The following ADGRD1 variants were observed in gnomAD, a reference collection of about 807,000 sequenced individuals.
ADGRD1 encodes the protein adhesion G protein-coupled receptor D1.
A neutral mutation model predicts 113.4 loss-of-function variants in ADGRD1; 77 were observed. That is an observed-to-expected ratio of 0.68 (90% CI 0.57 to 0.82). The LOEUF (loss-of-function observed/expected upper bound fraction) is 0.82, where lower values mean the gene tolerates loss of function less well. ADGRD1 is among the 40% of genes least tolerant of loss of function. The pLI, the probability that ADGRD1 is intolerant of heterozygous loss-of-function variation, is 0.00. For synonymous variants in ADGRD1, 474 were observed against 475.0 expected, an observed-to-expected ratio of 1.00 and a Z score of 0.03; for missense variants, 1,036 against 1,139.1, an observed-to-expected ratio of 0.91 and a Z score of 1.30.
At chr12:131,058,277 G>C (rs917203257) in intron 13 of ADGRD1, among the ~76,000 whole-genome samples, 1 of 152,244 alleles carries the variant, frequency 6.6e-6, no homozygotes, top group Middle Eastern at 3.4e-3. Context: ...GGATTCTAGG[G>C]AAGCGTCGTG....
At chr12:131,105,086 A>G (rs1950200076) in intron 16 of ADGRD1, 152 bp downstream of exon 16, 2 of 620,776 alleles carry the variant, frequency 3.2e-6, no homozygotes, top group Admixed American at 6.2e-5. Context: ...CAGCCCAGGC[A>G]CAGGAATTCT....
intron 6 of ADGRD1, chr12:130,990,094 C>T (rs775607288): frequency 1.3e-5 from 2 of 152,218 alleles, no homozygotes; most frequent in Non-Finnish European, 2.9e-5. Flanking sequence ...TGGACACACA[C>T]GAGTTAAATG....
chr12:131,040,241 C>T (rs760371240), intron 13 of ADGRD1, among the ~76,000 whole-genome samples: 9 of 152,154 alleles, frequency 5.9e-5, no homozygotes, highest in Non-Finnish European at 8.8e-5. Context: ...GCAACTGGTG[C>T]GGAGAAGTCA....
At chr12:131,103,515 A>C (rs961850108) in intron 15 of ADGRD1, among the ~76,000 whole-genome samples, 3 of 152,178 alleles carry the variant, frequency 2.0e-5, no homozygotes, top group African/African-American at 7.2e-5. Context: ...GTGCTTGCTG[A>C]GTGTTCGGGC....
At chr12:130,967,264 G>A (rs1478105228) in intron 3 of ADGRD1, 8 of 264,838 alleles carry the variant, frequency 3.0e-5, no homozygotes, top group Non-Finnish European at 6.4e-5. Flanking sequence ...AAAAGATTAA[G>A]CATCGCCTAA....
rs1880046327 is a variant in ADGRD1 at position 131,027,036 on chromosome 12, A to AT, written c.1473+12698dup. 6.6e-6 allele frequency: 1 copy of AT among 152,126 alleles called. No homozygotes were observed. Among genetic ancestry groups the AT allele is most frequent in the Non-Finnish European group, 1.5e-5 (1 of 68,022 alleles). The allele number at this position is 152,126 out of a possible 1,614,324, so 9.4% of individuals were successfully genotyped here. Reference sequence around the variant, plus strand: ...TGGAGGCAGGTACTTTCTCGTAGGGATTGTGGCACACAGCTGTTATTTCTC... The same window carrying AT: ...TGGAGGCAGGTACTTTCTCGTAGGGATTTGTGGCACACAGCTGTTATTTCTC... On this transcript the variant is annotated intron_variant, in intron 13 of 24. Coordinates refer to ENST00000261654, the MANE Select transcript of ADGRD1 (RefSeq NM_198827.5). This position sits in a 1 kb window ranked among gnomAD's most constrained non-coding sequence, Gnocchi z 5.1.
intron 12 of ADGRD1, among the ~76,000 whole-genome samples, chr12:131,009,149 A>G (rs529329182): frequency 4.3e-4 from 65 of 152,334 alleles, no homozygotes; most frequent in Middle Eastern, 6.8e-3. Flanking sequence ...CACACTCAAC[A>G]TTATCAACGT....
intron 13 of ADGRD1, chr12:131,070,920 G>C: frequency 1.9e-6 from 1 of 519,024 alleles, no homozygotes; most frequent in South Asian, 1.4e-5. Flanking sequence ...TGGTGGAGAA[G>C]AGTCCTGGGG....
intron 8 of ADGRD1, among the ~76,000 whole-genome samples, chr12:130,997,173 C>T: frequency 9.9e-6 from 1 of 100,870 alleles, no homozygotes; most frequent in South Asian, 3.4e-4. Context: ...GGGCGGCTTG[C>T]CGGGCGGGGG....
In ADGRD1 at chr12:131,003,296, A is replaced by G. The variant is rs1259252676; in HGVS notation, c.1138A>G (p.Met380Val). Reference sequence around the variant, plus strand: ...GGTCACCGTGGAGGGCTCCTCTGCCATGGCAGGTAGCTGTCGCTTGTAAGG... The same window carrying G: ...GGTCACCGTGGAGGGCTCCTCTGCCGTGGCAGGTAGCTGTCGCTTGTAAGG... ...PQVTVEGSSA[M>V]AEFSVAKILP... The change falls in exon 10 of 25, where the codon ATG becomes GTG. Residue 380 changes from methionine (M) to valine (V), a missense_variant. Met to Val is a conservative substitution (Grantham distance 21). Transcript: ENST00000261654. This position sits in a 1 kb window ranked among gnomAD's most constrained non-coding sequence, Gnocchi z 4.8. 6.2e-7 allele frequency: 1 copy of G among 1,611,100 alleles called. No homozygotes were observed. The highest frequency in any genetic ancestry group is 8.5e-7 in the Non-Finnish European group (1 of 1,177,542).
At chr12:131,100,800 A>T (rs1950052007) in intron 15 of ADGRD1, among the ~76,000 whole-genome samples, 1 of 152,242 alleles carries the variant, frequency 6.6e-6, no homozygotes, top group South Asian at 2.1e-4. Context: ...CCCAGTGTGC[A>T]GCGAACTCTC....
At chr12:131,094,071 C>T (rs546486266) in intron 15 of ADGRD1, among the ~76,000 whole-genome samples, 5 of 148,894 alleles carry the variant, frequency 3.4e-5, no homozygotes, top group African/African-American at 9.9e-5. Context: ...AGCCTCGGCA[C>T]CCAGCCCTGA....
At chr12:131,004,321 C>T (rs945011446) in intron 11 of ADGRD1, 25 bp downstream of exon 11, 59 of 1,497,186 alleles carry the variant, frequency 3.9e-5, no homozygotes, top group Non-Finnish European at 5.1e-5. Flanking sequence ...GCTGGACTCC[C>T]TTCCGGGGCG....
chr12:130,996,715 C>T lies in ADGRD1; in HGVS notation c.967-3668C>T, dbSNP rs1333542322. Among the ~76,000 whole-genome samples, 5 of 94,396 alleles carry T rather than the reference C, an allele frequency of 5.3e-5. 1 individual carries two copies. The highest frequency in any genetic ancestry group is 1.2e-4 in the Non-Finnish European group (5 of 43,078). The allele number at this position is 94,396 out of a possible 152,430, so 61.9% of individuals were successfully genotyped here. ...GCTGGCCGGGCGGGGGGCTGACCCCCCCACCACCCTCCCGGACGGGGTGGC... is the reference window on the plus strand; with the variant it reads ...GCTGGCCGGGCGGGGGGCTGACCCCTCCACCACCCTCCCGGACGGGGTGGC... On this transcript the variant is annotated intron_variant, in intron 8 of 24. Transcript: ENST00000261654.
intron 13 of ADGRD1, among the ~76,000 whole-genome samples, chr12:131,049,510 T>G (rs1566065107): frequency 6.6e-6 from 1 of 152,228 alleles, no homozygotes; most frequent in Non-Finnish European, 1.5e-5. Flanking sequence ...CTTCCTAATA[T>G]GCCTTAGAAT....
At chr12:131,104,473 C>T (rs183552678) in intron 15 of ADGRD1, among the ~76,000 whole-genome samples, 33 of 152,262 alleles carry the variant, frequency 2.2e-4, no homozygotes, top group Admixed American at 6.5e-4. Context: ...GACTTGAACC[C>T]GGGAGGTCTG....
At chr12:131,070,882 G>C in intron 13 of ADGRD1, 1 of 519,076 alleles carries the variant, frequency 1.9e-6, no homozygotes, top group Non-Finnish European at 3.8e-6. Flanking sequence ...GGACGTCCTG[G>C]AGAGTCGGGT....
At chr12:130,969,091 T>G (rs1292878055) in intron 3 of ADGRD1, 1 of 1,345,422 alleles carries the variant, frequency 7.4e-7, no homozygotes, top group South Asian at 1.2e-5. Context: ...TTATGTACTT[T>G]TGTTCTTCGT....
intron 15 of ADGRD1, among the ~76,000 whole-genome samples, chr12:131,098,123 A>G (rs1333768602): frequency 4.3e-5 from 1 of 23,068 alleles, no homozygotes; most frequent in African/African-American, 8.0e-5. Context: ...CCCCTCTCCC[A>G]CTGTCCTCCC....
Sources: allele counts gnomAD v4.1 joint callset (sites outside exome capture counted in the v4.1 genomes callset), GRCh38; gene constraint gnomAD v4.1.1; non-coding constraint Gnocchi (gnomAD v3.1); transcripts MANE v1.5; gene names NCBI Gene and HGNC (gene_info 2026-07-23, HGNC 2026-07-21).